CEP131: variants seen among roughly 807,000 people sequenced by gnomAD.
CEP131 encodes centrosomal protein 131.
In CEP131, 99 loss-of-function variants were observed where a neutral mutation model predicts 136.8. The observed-to-expected ratio is 0.72, with a 90% CI of 0.62 to 0.86. The LOEUF is 0.86. Ranked by LOEUF, CEP131 falls within the 40% of genes least tolerant of loss-of-function variation. The pLI is 0.00. For synonymous variants in CEP131, 646 were observed against 612.7 expected (o/e 1.05, Z -0.80); for missense variants, 1,459 against 1,463.0 (o/e 1.00, Z 0.04).
In CEP131 at chr17:81,197,662, T is replaced by G. The variant is rs781284724; in HGVS notation, c.1647+50A>C. 316 of 1,564,446 alleles carry G rather than the reference T, an allele frequency of 2.0e-4. 1 individual carries two copies. Among genetic ancestry groups the G allele is most frequent in the Non-Finnish European group, 2.5e-4 (288 of 1,157,092 alleles). On this transcript the variant is annotated intron_variant, in intron 13 of 25. Coordinates refer to ENST00000450824, the MANE Select transcript of CEP131 (RefSeq NM_014984.4). ...CCCCCGAGGGCCAGGTGCAGGCTCG[T>G]GAGGGGCCTCCTCCCACTGGGGGCC...
chr17:81,198,629 G>A (rs945909639), intron 11 of CEP131, among the ~76,000 whole-genome samples: 1 of 152,198 alleles, frequency 6.6e-6, no homozygotes, highest in African/African-American at 2.4e-5. Flanking sequence ...TGTGGATGAG[G>A]ATGCAAGGCC....
chr17:81,215,781 C>T lies in CEP131; in HGVS notation c.177+4099G>A, dbSNP rs1404286490. Among the ~76,000 whole-genome samples, 1 of 152,126 alleles carries T rather than the reference C, an allele frequency of 6.6e-6. No individual in the cohort carries two copies. Among genetic ancestry groups the T allele is most frequent in the Non-Finnish European group, 1.5e-5 (1 of 68,034 alleles). On this transcript the variant is annotated intron_variant, in intron 2 of 25. Transcript: ENST00000450824. The surrounding 1 kb of genome is among the most constrained non-coding windows in gnomAD (Gnocchi z 4.1). ...TATCCTTTAGGATTTATTCTACAGG[C>T]GTATTTACATGTATGCAAAATGGCA...
chr17:81,211,566 G>C (rs1167347523), intron 2 of CEP131, among the ~76,000 whole-genome samples: 1 of 152,208 alleles, frequency 6.6e-6, no homozygotes, highest in Non-Finnish European at 1.5e-5. Flanking sequence ...TCCACCCCTG[G>C]GAGGCAGACG....
chr17:81,196,051 A>G (rs2061748008), intron 15 of CEP131, 100 bp from the exon 16 acceptor site: 1 of 962,376 alleles, frequency 1.0e-6, no homozygotes, highest in South Asian at 1.5e-5. Context: ...GGCTAACAGC[A>G]GCCCTCCCCT....
At chr17:81,193,712 G>A (rs929267721) in intron 18 of CEP131, among the ~76,000 whole-genome samples, 5 of 152,194 alleles carry the variant, frequency 3.3e-5, no homozygotes, top group African/African-American at 7.2e-5. Flanking sequence ...TGCAGACCTC[G>A]GCGGGCATGA....
In CEP131 at chr17:81,195,063, G is replaced by T. The variant is rs146026809; in HGVS notation, c.2017-91C>A. ...GGCACAGTCAGGGCCGGGCTTCCAG[G>T]TCCACCAGCACAAGGCCGGCACTCA... On this transcript the variant is annotated intron_variant, in intron 16 of 25. Coordinates refer to ENST00000450824, the MANE Select transcript of CEP131 (RefSeq NM_014984.4). 2.7e-4 allele frequency: 255 copies of T among 947,792 alleles called. No homozygotes were observed. The African/African-American group carries it at 3.8e-3, about 14-fold the overall frequency. The allele number at this position is 947,792 out of a possible 1,614,324, so 58.7% of individuals were successfully genotyped here. A position where few individuals can be genotyped will look rare whatever the true frequency, so the allele number is the denominator to read the frequency against.
intron 18 of CEP131, among the ~76,000 whole-genome samples, chr17:81,193,543 TGA>T (rs2061688232): frequency 6.6e-6 from 1 of 152,040 alleles, no homozygotes; most frequent in African/African-American, 2.4e-5. Context: ...AGGGAGTGAA[TGA>T]GAGAGACCGT....
At chr17:81,200,478 A>T in intron 7 of CEP131, 32 bp from the exon 8 acceptor site, 1 of 1,492,236 alleles carries the variant, frequency 6.7e-7, no homozygotes, top group Non-Finnish European at 9.1e-7. Flanking sequence ...GGGCCAAGAC[A>T]GGACCAGCGC....
In CEP131 at chr17:81,202,404, AG is replaced by A. The variant is rs775365485; in HGVS notation, c.630-7del. The A allele has an allele frequency of 6.2e-7, 1 of 1,612,046 alleles. No individual in the cohort carries two copies. Among genetic ancestry groups the A allele is most frequent in the East Asian group, 2.2e-5 (1 of 44,822 alleles). ...TGGCTGCCTTGATGATGTTGCTGAC[AG>A]GTAAGAAGAAAACACCCTCGTCTCA... On this transcript the variant is annotated splice_polypyrimidine_tract_variant and splice_region_variant and intron_variant, in intron 6 of 25. Transcript: ENST00000450824.
rs369443701 is a variant in CEP131, at chr17:81,190,942, G to A, written c.2908C>T (p.Arg970Trp). 9.3e-5 allele frequency: 150 copies of A among 1,604,704 alleles called. No individual in the cohort carries two copies. Among genetic ancestry groups the A allele is most frequent in the Middle Eastern group, 1.6e-4 (1 of 6,078 alleles). Residue 970 changes from arginine (R) to tryptophan (W), a missense_variant, in exon 23 of 26, where the codon CGG becomes TGG. Physicochemically the swap from Arg to Trp is moderately radical, Grantham distance 101 (BLOSUM62 -3). This residue lies in a region of CEP131 where 1,026 missense variants were observed against 964.2 expected (regional missense o/e 1.06). Transcript: ENST00000450824. ...TCCTCCAGCGCCCGCTCCTTCTGCC[G>A]CACAAGGCCCTGCAGACGCAGATTC... ...GENLRLQGLV[R>W]QKERALEDAQ...
intron 4 of CEP131, 112 bp downstream of exon 4, chr17:81,207,013 G>A: frequency 6.6e-7 from 1 of 1,513,538 alleles, no homozygotes; most frequent in African/African-American, 1.4e-5. Flanking sequence ...TCAGATCTAA[G>A]CTTGACACCC....
At chr17:81,196,881 C>A (rs759825266) in intron 14 of CEP131, 49 bp downstream of exon 14, 1 of 1,604,988 alleles carries the variant, frequency 6.2e-7, no homozygotes, top group Non-Finnish European at 8.5e-7. Flanking sequence ...CTGGCCTCAG[C>A]AGGTAGGAGG....
In CEP131 at chr17:81,219,299, T is replaced by TA. The variant is rs1479240993; in HGVS notation, c.177+580_177+581insT. Among the ~76,000 whole-genome samples, 1 of 148,520 alleles carries TA rather than the reference T, an allele frequency of 6.7e-6. No homozygotes were observed. Among genetic ancestry groups the TA allele is most frequent in the Non-Finnish European group, 1.5e-5 (1 of 66,792 alleles). ...CACAGGTCAACCCCATTTCTTTCTT[T>TA]TTTTTTTTTTTTTGAGATGGCATCT... On this transcript the variant is annotated intron_variant, in intron 2 of 25. Coordinates refer to ENST00000450824, the MANE Select transcript of CEP131 (RefSeq NM_014984.4). The surrounding 1 kb of genome is among the most constrained non-coding windows in gnomAD (Gnocchi z 4.0).
chr17:81,193,869 G>A (rs982839970), intron 18 of CEP131, 57 bp downstream of exon 18: 11 of 1,509,642 alleles, frequency 7.3e-6, no homozygotes, highest in African/African-American at 1.4e-5. Flanking sequence ...AGCCTTCGAG[G>A]ATTCCGACTC....
intron 8 of CEP131, 42 bp downstream of exon 8, chr17:81,200,286 AC>A (rs748549558): frequency 2.2e-5 from 32 of 1,484,240 alleles, no homozygotes; most frequent in African/African-American, 2.8e-5. Flanking sequence ...TCTGGGCCAG[AC>A]CCCCCGGGGG....
At chr17:81,201,110 C>A (rs532732141) in intron 7 of CEP131, among the ~76,000 whole-genome samples, 1 of 152,174 alleles carries the variant, frequency 6.6e-6, no homozygotes, top group South Asian at 2.1e-4. Context: ...CCTTGGCTCT[C>A]GGGACCATGT....
At chr17:81,222,296 GCTGACC>G (rs5822394) in intron 1 of CEP131, among the ~76,000 whole-genome samples, 72,396 of 151,236 alleles carry the variant, frequency 0.48, 17,900 homozygotes, top group East Asian at 0.64. Flanking sequence ...CCCAGGGTGG[GCTGACC>G]CTGACCCTGA....
At chr17:81,200,211 G>C in intron 8 of CEP131, 118 bp downstream of exon 8, 1 of 801,918 alleles carries the variant, frequency 1.2e-6, no homozygotes, top group Non-Finnish European at 2.0e-6. Flanking sequence ...TGCACCCAGA[G>C]ACGGGGCCCA....
At position 81,206,751 on chromosome 17, in the gene CEP131, TAGCAGTGA is replaced by T. The variant is rs763998394; in HGVS notation, c.500_507del (p.Phe167Ter). The T allele has an allele frequency of 1.2e-6, 2 of 1,613,470 alleles. No homozygotes were observed. The highest frequency in any genetic ancestry group is 1.7e-6 in the Non-Finnish European group (2 of 1,179,594). ...CACCTGCACAGGTCGTACCTGTTGT[TAGCAGTGA>T]AGTTGGGGGCCAGGGCCACGGTGCA... On this transcript the variant is annotated frameshift_variant, in exon 5 of 26. Coordinates refer to ENST00000450824, the MANE Select transcript of CEP131 (RefSeq NM_014984.4). LOFTEE classifies it high-confidence loss of function.
Sources: allele counts gnomAD v4.1 joint callset (sites outside exome capture counted in the v4.1 genomes callset), GRCh38; gene constraint gnomAD v4.1.1; regional missense constraint gnomAD v4.1.1; non-coding constraint Gnocchi (gnomAD v3.1); transcripts MANE v1.5; gene names NCBI Gene and HGNC (gene_info 2026-07-23, HGNC 2026-07-21).